The following CSPP1 variants were observed in gnomAD, a reference collection of about 807,000 sequenced individuals.
CSPP1 encodes centrosome and spindle pole associated protein 1.
In CSPP1, 126 loss-of-function variants were observed where a neutral mutation model predicts 164.4. The ratio of observed to expected loss-of-function variants is 0.77; its 90% confidence interval spans 0.66 to 0.89. The LOEUF is 0.89. Among genes scored for constraint, CSPP1 ranks in the 40% least tolerant of loss-of-function variants. The pLI, the probability that CSPP1 is intolerant of heterozygous loss-of-function variation, is 0.00. For synonymous variants in CSPP1, 472 were observed against 476.7 expected (o/e 0.99, Z 0.13); for missense variants, 1,395 against 1,449.8 (o/e 0.96, Z 0.61).
intron 4 of CSPP1, among the ~76,000 whole-genome samples, chr8:67,088,597 G>A (rs1206062795): frequency 8.7e-6 from 1 of 114,850 alleles, no homozygotes; most frequent in Non-Finnish European, 1.8e-5. Context: ...CAGTTTTTGA[G>A]ATTATTAAGA....
rs763958350 is a variant in CSPP1 at position 67,163,746 on chromosome 8, C to G, written c.2658C>G (p.Ser886=). 3.1e-6 allele frequency: 5 copies of G among 1,612,812 alleles called. No individual in the cohort carries two copies. Among genetic ancestry groups the G allele is most frequent in the African/African-American group, 1.3e-5 (1 of 74,786 alleles). ...TTGTTGAACAGGAAAGTTCCATGTC[C>G]AGGGCACAGTCACCCCCGGTACCTG... is the stretch of plus-strand genomic sequence containing the variant. ...IRSFIHESSM[S]RAQSPPVPAR... is the part of the protein sequence containing the mutation. The change falls in exon 23 of 31, where the codon TCC becomes TCG. Residue 886 remains serine, a synonymous_variant. Coordinates refer to ENST00000678616, the MANE Select transcript of CSPP1 (RefSeq NM_001382391.1).
rs775661180 is a variant in CSPP1, at chr8:67,085,994, GT to G, written c.200-5del. On this transcript the variant is annotated splice_polypyrimidine_tract_variant and intron_variant, in intron 3 of 30. Transcript: ENST00000678616. ...TGAAAATGAATTATACTAAGAAGTT[GT>G]TTTTTTTCTAGGAATTGATTATGGA... The G allele has an allele frequency of 7.3e-6, 8 of 1,100,450 alleles. No homozygotes were observed. The highest frequency in any genetic ancestry group is 5.1e-5 in the Admixed American group (3 of 58,406). The allele number at this position is 1,100,450 out of a possible 1,614,324, so 68.2% of individuals were successfully genotyped here.
At chr8:67,080,724 T>C (rs927034552) in intron 3 of CSPP1, among the ~76,000 whole-genome samples, 1 of 152,228 alleles carries the variant, frequency 6.6e-6, no homozygotes, top group African/African-American at 2.4e-5. Context: ...CACAGTTTTA[T>C]AGCATAAGTA....
Position 67,163,647 on chromosome 8 carries a change from T to C in CSPP1, c.2644-85T>C, listed in dbSNP as rs1249150246. ...AGTGTGGAGTTTGGTTTCCTTTACA[T>C]ATAAATACTTCAAAAAATTACTCCC... On this transcript the variant is annotated intron_variant, in intron 22 of 30. Transcript: ENST00000678616. 1.4e-5 allele frequency: 14 copies of C among 978,246 alleles called. No homozygotes were observed. In the East Asian group the frequency reaches 2.5e-4, roughly 17 times the overall value. The allele number at this position is 978,246 out of a possible 1,614,324, so 60.6% of individuals were successfully genotyped here.
At chr8:67,112,220 T>A (rs1586193519) in intron 10 of CSPP1, 155 bp downstream of exon 10, 1 of 361,638 alleles carries the variant, frequency 2.8e-6, no homozygotes. Flanking sequence ...ACAAGGAAAA[T>A]AAATACTAAG....
chr8:67,185,100 G>A (rs1325449803), intron 28 of CSPP1, among the ~76,000 whole-genome samples: 3 of 143,908 alleles, frequency 2.1e-5, no homozygotes, highest in Admixed American at 6.8e-5. Context: ...GCAAGACTCC[G>A]TCTCAAAAAA....
chr8:67,150,741 C>G, intron 18 of CSPP1, among the ~76,000 whole-genome samples: 1 of 147,004 alleles, frequency 6.8e-6, no homozygotes, highest in Non-Finnish European at 1.5e-5. Flanking sequence ...TATTAATATC[C>G]TTTAATCAAT....
chr8:67,151,864 C>T (rs1247783320), intron 18 of CSPP1, among the ~76,000 whole-genome samples: 7 of 151,598 alleles, frequency 4.6e-5, no homozygotes, highest in African/African-American at 1.5e-4. Flanking sequence ...CTGAGGCAGG[C>T]GGATCATGAG....
chr8:67,080,580 G>A (rs181362436), intron 3 of CSPP1, among the ~76,000 whole-genome samples: 3 of 152,328 alleles, frequency 2.0e-5, no homozygotes, highest in Non-Finnish European at 1.5e-5. Flanking sequence ...GACTCCAGCT[G>A]CAAGTTCAAG....
At chr8:67,169,916 T>C (rs1431428892) in intron 24 of CSPP1, among the ~76,000 whole-genome samples, 1 of 152,042 alleles carries the variant, frequency 6.6e-6, no homozygotes, top group Non-Finnish European at 1.5e-5. Flanking sequence ...CCTGCTAATT[T>C]TTGCATTTTT....
rs531645486 is a variant in CSPP1, at chr8:67,111,264, G to A, written c.1094-708G>A. On this transcript the variant is annotated intron_variant, in intron 9 of 30. Coordinates refer to ENST00000678616, the MANE Select transcript of CSPP1 (RefSeq NM_001382391.1). ...TTGATTAACTGGATTTTTGTATAAGGAATACCAAGGTGAGAGGTTTGTATT... is the reference window on the plus strand; with the variant it reads ...TTGATTAACTGGATTTTTGTATAAGAAATACCAAGGTGAGAGGTTTGTATT... Among the ~76,000 whole-genome samples the A allele has an allele frequency of 2.0e-5, 3 of 152,226 alleles. No individual in the cohort carries two copies. In the East Asian group the frequency reaches 5.8e-4, roughly 29 times the overall value.
At chr8:67,072,105 A>G (rs187016873) in intron 1 of CSPP1, among the ~76,000 whole-genome samples, 1 of 152,150 alleles carries the variant, frequency 6.6e-6, no homozygotes, top group Non-Finnish European at 1.5e-5. Flanking sequence ...CATCCTGGCT[A>G]ACACGGTGAA....
At chr8:67,163,625 G>C (rs1322009680) in intron 22 of CSPP1, 107 bp from the exon 23 acceptor site, 1 of 716,434 alleles carries the variant, frequency 1.4e-6, no homozygotes, top group Admixed American at 2.7e-5. Context: ...GTAGGATAGT[G>C]TGGAGTTTGG....
chr8:67,150,269 T>C (rs1478823566), intron 18 of CSPP1, among the ~76,000 whole-genome samples: 2 of 152,188 alleles, frequency 1.3e-5, no homozygotes, highest in African/African-American at 4.8e-5. Context: ...TTGCATCTTA[T>C]ATCCATAGCT....
chr8:67,092,389 A>T (rs1000433262), intron 5 of CSPP1, among the ~76,000 whole-genome samples: 1 of 152,230 alleles, frequency 6.6e-6, no homozygotes, highest in East Asian at 1.9e-4. Flanking sequence ...AGAGATCATG[A>T]AATAGTATAT....
chr8:67,069,362 A>G (rs923390946), intron 1 of CSPP1, among the ~76,000 whole-genome samples: 2 of 152,208 alleles, frequency 1.3e-5, no homozygotes, highest in Non-Finnish European at 2.9e-5. Context: ...GGCATATGCT[A>G]TATTTACTAT....
At chr8:67,078,195 G>C (rs1034759775) in intron 3 of CSPP1, among the ~76,000 whole-genome samples, 1 of 152,148 alleles carries the variant, frequency 6.6e-6, no homozygotes, top group Non-Finnish European at 1.5e-5. Context: ...ATTGGGCTGT[G>C]ATGCCTTTAT....
intron 3 of CSPP1, among the ~76,000 whole-genome samples, chr8:67,077,557 G>A (rs1461361668): frequency 6.6e-6 from 1 of 151,906 alleles, no homozygotes; most frequent in Non-Finnish European, 1.5e-5. Context: ...GGCTGGTCTC[G>A]AACTCCTGAC....
chr8:67,171,412 A>G (rs748179337), intron 24 of CSPP1, among the ~76,000 whole-genome samples: 52 of 151,718 alleles, frequency 3.4e-4, no homozygotes, highest in Admixed American at 1.2e-3. Context: ...AAAAAGAGAC[A>G]GGGTCTCCCT....
Sources: allele counts gnomAD v4.1 joint callset (sites outside exome capture counted in the v4.1 genomes callset), GRCh38; gene constraint gnomAD v4.1.1; transcripts MANE v1.5; gene names NCBI Gene and HGNC (gene_info 2026-07-23, HGNC 2026-07-21).